MYO1E: variants seen among roughly 807,000 people sequenced by gnomAD.
MYO1E encodes the protein unconventional myosin-Ie.
A neutral mutation model predicts 151.1 loss-of-function variants in MYO1E; 68 were observed. The observed-to-expected ratio is 0.45, with a 90% CI of 0.37 to 0.55. The LOEUF is 0.55. Among genes scored for constraint, MYO1E ranks in the 20% least tolerant of loss-of-function variants. MYO1E has a pLI of 0.00. For missense variants in MYO1E, 1,363 were observed against 1,389.3 expected (o/e 0.98, Z 0.30); for synonymous variants, 601 against 501.7 (o/e 1.20, Z -2.64).
intron 1 of MYO1E, among the ~76,000 whole-genome samples, chr15:59,321,825 C>G (rs2080628129): frequency 6.6e-6 from 1 of 152,120 alleles, no homozygotes; most frequent in Non-Finnish European, 1.5e-5. Context: ...GAGATCACAC[C>G]ACTGCACTCC....
In MYO1E at chr15:59,178,479, C is replaced by T. The variant is rs748971162; in HGVS notation, c.1963G>A (p.Val655Ile). The T allele has an allele frequency of 9.3e-6, 15 of 1,614,060 alleles. No homozygotes were observed. The highest frequency in any genetic ancestry group is 4.0e-5 in the African/African-American group (3 of 74,920). ...PSWQGEEKQG[V>I]LHLLQSVNMD... ...TTGACCGACTGCAGCAGGTGCAGGA[C>T]GCCTTGCTTCTCCTCTCCCTGCCAA... The change falls in exon 19 of 28, where the codon GTC becomes ATC. Residue 655 changes from valine (V) to isoleucine (I), a missense_variant. Transcript: ENST00000288235.
At chr15:59,165,716 A>T (rs748445642) in intron 22 of MYO1E, among the ~76,000 whole-genome samples, 1 of 152,212 alleles carries the variant, frequency 6.6e-6, no homozygotes, top group African/African-American at 2.4e-5. Context: ...AGCTGCTCAA[A>T]AGAGCTCTTC....
At chr15:59,215,017 GA>G (rs1206355181) in intron 10 of MYO1E, among the ~76,000 whole-genome samples, 1 of 151,970 alleles carries the variant, frequency 6.6e-6, no homozygotes, top group African/African-American at 2.4e-5. Context: ...TTAACAATTA[GA>G]AAAAAATGTC....
rs6494086 is a variant in MYO1E at position 59,245,692 on chromosome 15, G to C, written c.333-9020C>G. 2.0e-5 allele frequency among the ~76,000 whole-genome samples: 3 copies of C among 152,106 alleles called. No individual in the cohort carries two copies. In the East Asian group the frequency reaches 5.8e-4, roughly 29 times the overall value. ...TCATATTTTTTAAACAGCCTAAGGTGCAAGAGCTGATTTAGGCCAAAAGTG... is the reference window on the plus strand; with the variant it reads ...TCATATTTTTTAAACAGCCTAAGGTCCAAGAGCTGATTTAGGCCAAAAGTG... On this transcript the variant is annotated intron_variant, in intron 4 of 27. Coordinates refer to ENST00000288235, the MANE Select transcript of MYO1E (RefSeq NM_004998.4).
chr15:59,274,963 T>C (rs2080309448), intron 1 of MYO1E, among the ~76,000 whole-genome samples: 2 of 152,234 alleles, frequency 1.3e-5, no homozygotes, highest in Non-Finnish European at 2.9e-5. Flanking sequence ...TGACAGTGGT[T>C]ACAATATGCA....
At chr15:59,228,790 C>A (rs1365110579) in intron 6 of MYO1E, among the ~76,000 whole-genome samples, 3 of 152,184 alleles carry the variant, frequency 2.0e-5, no homozygotes, top group Non-Finnish European at 2.9e-5. Flanking sequence ...GTGACTGGAG[C>A]TGTAAACTCA....
At chr15:59,351,952 G>A (rs2080825792) in intron 1 of MYO1E, among the ~76,000 whole-genome samples, 1 of 152,160 alleles carries the variant, frequency 6.6e-6, no homozygotes, top group African/African-American at 2.4e-5. Context: ...CCCCATTCTG[G>A]ATCTCTTTCT....
At chr15:59,226,698 T>G (rs7167255) in intron 7 of MYO1E, among the ~76,000 whole-genome samples, 1 of 151,956 alleles carries the variant, frequency 6.6e-6, no homozygotes, top group African/African-American at 2.4e-5. Context: ...TCCCAGCTAC[T>G]TGGGAGGGTG....
At chr15:59,140,872 C>A (rs1341923832) in intron 26 of MYO1E, among the ~76,000 whole-genome samples, 1 of 152,136 alleles carries the variant, frequency 6.6e-6, no homozygotes, top group Non-Finnish European at 1.5e-5. Flanking sequence ...AGGCTCCACT[C>A]CTCCCACCAC....
At chr15:59,202,235 T>C (rs1166110916) in intron 16 of MYO1E, 91 bp downstream of exon 16, 3 of 1,108,490 alleles carry the variant, frequency 2.7e-6, no homozygotes, top group Non-Finnish European at 4.1e-6. Flanking sequence ...CACGTCTCAC[T>C]GACCTCATCC....
At chr15:59,171,858 G>C in intron 22 of MYO1E, 39 bp downstream of exon 22, 1 of 1,613,702 alleles carries the variant, frequency 6.2e-7, no homozygotes, top group Non-Finnish European at 8.5e-7. Context: ...ATGCTGAGGC[G>C]AGAAGGGGCA....
intron 26 of MYO1E, among the ~76,000 whole-genome samples, chr15:59,139,799 CATT>C (rs1243828478): frequency 2.0e-5 from 3 of 151,470 alleles, no homozygotes; most frequent in Non-Finnish European, 4.4e-5. Flanking sequence ...CCGACCTGCT[CATT>C]ATTACTCTGC....
intron 16 of MYO1E, among the ~76,000 whole-genome samples, chr15:59,196,310 C>T (rs1366148447): frequency 1.3e-5 from 2 of 152,142 alleles, no homozygotes; most frequent in African/African-American, 4.8e-5. Flanking sequence ...GAAAAAGCCA[C>T]ATAAAGCTGA....
rs572284996 is a variant in MYO1E at position 59,186,623 on chromosome 15, T to TG, written c.1904+1494dup. On this transcript the variant is annotated intron_variant, in intron 18 of 27. Transcript: ENST00000288235. ...AAAGTCATCTGGGCATGGTGATGCA[T>TG]GCCTGTAGTACTAGCTACTTGCAGA... 8.6e-3 allele frequency among the ~76,000 whole-genome samples: 1,305 copies of TG among 152,270 alleles called. 12 individuals are homozygous for TG. The highest frequency in any genetic ancestry group is 0.014 in the Non-Finnish European group (941 of 68,030).
Position 59,195,525 on chromosome 15 carries a change from G to A in MYO1E, c.1741C>T (p.Pro581Ser). The change falls in exon 17 of 28, where the codon CCC becomes TCC. Residue 581 changes from proline to serine, a missense_variant. Physicochemically the swap from Pro to Ser is moderately conservative, Grantham distance 74. Transcript: ENST00000288235. ...GGCTTGATGCAGCGAATGTAGTGGG[G>A]CGTACATTTCATCAGGGTGCTCACA... is the stretch of plus-strand genomic sequence containing the variant. ...DLVSTLMKCT[P>S]HYIRCIKPNE... 1 of 1,614,144 alleles carries A rather than the reference G, an allele frequency of 6.2e-7. No individual in the cohort carries two copies. Among genetic ancestry groups the A allele is most frequent in the Non-Finnish European group, 8.5e-7 (1 of 1,180,000 alleles).
At chr15:59,323,921 C>T (rs1260146707) in intron 1 of MYO1E, among the ~76,000 whole-genome samples, 4 of 151,924 alleles carry the variant, frequency 2.6e-5, no homozygotes, top group Admixed American at 1.3e-4. Flanking sequence ...GCAGCAAAGA[C>T]CCTTCATGAG....
intron 6 of MYO1E, among the ~76,000 whole-genome samples, chr15:59,229,763 A>G (rs1025908847): frequency 6.6e-6 from 1 of 152,208 alleles, no homozygotes; most frequent in Non-Finnish European, 1.5e-5. Flanking sequence ...GAAATTACTC[A>G]TAATTCTACC....
intron 9 of MYO1E, among the ~76,000 whole-genome samples, chr15:59,219,411 T>G (rs1364668637): frequency 2.0e-5 from 3 of 152,242 alleles, no homozygotes; most frequent in African/African-American, 7.2e-5. Context: ...TAAAAGAATT[T>G]TGTTAAAGGC....
At chr15:59,165,733 AT>A (rs2079559765) in intron 22 of MYO1E, among the ~76,000 whole-genome samples, 1 of 152,244 alleles carries the variant, frequency 6.6e-6, no homozygotes, top group East Asian at 1.9e-4. Context: ...CTTCCAAGTC[AT>A]TTTGAATTAA....
Sources: gnomAD v4.1 joint callset for allele counts (sites outside exome capture counted in the v4.1 genomes callset) on GRCh38, gnomAD v4.1.1 for gene constraint, MANE v1.5 for transcripts, NCBI Gene and HGNC (gene_info 2026-07-23, HGNC 2026-07-21) for gene names.